Variants in STRA8 observed in about 807,000 individuals in gnomAD.
STRA8 encodes the protein stimulated by retinoic acid gene 8 protein homolog.
Under a neutral mutation model 37.1 loss-of-function variants are expected in STRA8, and 18 were observed. That is an observed-to-expected ratio of 0.48 (90% CI 0.34 to 0.72). The LOEUF (loss-of-function observed/expected upper bound fraction) is 0.72, where lower values mean the gene tolerates loss of function less well. Ranked by LOEUF, STRA8 falls within the 30% of genes least tolerant of loss-of-function variation. The pLI is 0.01. For missense variants in STRA8, 357 were observed against 410.4 expected, an observed-to-expected ratio of 0.87 and a Z score of 1.13; for synonymous variants, 168 against 162.9, an observed-to-expected ratio of 1.03 and a Z score of -0.24.
intron 8 of STRA8, among the ~76,000 whole-genome samples, chr7:135,258,201 G>A (rs1832728321): frequency 6.6e-6 from 1 of 152,024 alleles, no homozygotes; most frequent in African/African-American, 2.4e-5. Context: ...TGTCCTTTCT[G>A]GAGGTCATAG....
At chr7:135,244,367 T>C (rs1656948724) in intron 4 of STRA8, among the ~76,000 whole-genome samples, 1 of 152,178 alleles carries the variant, frequency 6.6e-6, no homozygotes, top group Admixed American at 6.5e-5. Flanking sequence ...TGAGCTTGCT[T>C]TTTTGACTCA....
chr7:135,247,377 C>T (rs1003965996), intron 6 of STRA8, among the ~76,000 whole-genome samples: 54 of 152,334 alleles, frequency 3.5e-4, no homozygotes, highest in African/African-American at 1.3e-3. Context: ...ATTCAGGCCT[C>T]TCTTGGCTCT....
intron 8 of STRA8, among the ~76,000 whole-genome samples, chr7:135,257,772 C>T (rs1027586500): frequency 1.3e-5 from 2 of 152,184 alleles, no homozygotes; most frequent in African/African-American, 4.8e-5. Flanking sequence ...ATAGGTAACC[C>T]ATATACATGG....
intron 1 of STRA8, among the ~76,000 whole-genome samples, chr7:135,237,729 T>G (rs1400874662): frequency 1.3e-5 from 2 of 152,092 alleles, no homozygotes; most frequent in East Asian, 3.9e-4. Context: ...CCGTCTCTAC[T>G]AAAAATACAA....
In STRA8 at chr7:135,250,561, A is replaced by G. The variant is rs530023177; in HGVS notation, c.880-1235A>G. ...GGAAGTCAATTGAAGGAAGACAGAA[A>G]GGGCAGACACCAATCCTCTTGGAAG... On this transcript the variant is annotated intron_variant, in intron 6 of 8. Transcript: ENST00000662584. Among the ~76,000 whole-genome samples, 3 of 152,296 alleles carry G rather than the reference A, an allele frequency of 2.0e-5. No individual in the cohort carries two copies. The East Asian group carries it at 5.8e-4, about 29-fold the overall frequency.
At chr7:135,248,382 C>A (rs983061260) in intron 6 of STRA8, among the ~76,000 whole-genome samples, 1 of 102,292 alleles carries the variant, frequency 9.8e-6, no homozygotes, top group South Asian at 4.1e-4. Context: ...TGCTTCTCAA[C>A]TGAATCACCT....
rs1363088441 is a variant in STRA8, at chr7:135,255,203, G to A, written c.1043G>A (p.Cys348Tyr). 1.9e-6 allele frequency: 3 copies of A among 1,613,668 alleles called. No individual in the cohort carries two copies. The highest frequency in any genetic ancestry group is 2.5e-6 in the Non-Finnish European group (3 of 1,179,738). The change falls in exon 8 of 9, where the codon TGT becomes TAT. Residue 348 changes from cysteine to tyrosine, a missense_variant. Transcript: ENST00000662584. ...ATCAACTTTTTTAAAGGCCTTAGCT[G>A]TGCAAACACTCAAGTAAAGCAGGTA... ...QIINFFKGLS[C>Y]ANTQVKQEAS...
At chr7:135,238,893 G>C (rs1478881718) in intron 1 of STRA8, among the ~76,000 whole-genome samples, 3 of 152,158 alleles carry the variant, frequency 2.0e-5, no homozygotes, top group Non-Finnish European at 4.4e-5. Flanking sequence ...GCAGATTGGT[G>C]CTGTTTTCCC....
In STRA8 at chr7:135,251,836, AC is replaced by A. The variant is rs918859085; in HGVS notation, c.921del (p.Asp307GlufsTer47). ...GCCTTTGATGTGGCAAGCTTCCTGG[AC>A]AAAAGTGAGGTTCCGAGTACATCTA... ...EDAFDVASFLDKSEVPSTSSS... is the reference protein window; with the variant it reads ...EDAFDVASFLXKSEVPSTSSS... On this transcript the variant is annotated frameshift_variant, in exon 7 of 9. Transcript: ENST00000662584. LOFTEE classifies it high-confidence loss of function. The A allele has an allele frequency of 4.3e-6, 7 of 1,614,018 alleles. No individual in the cohort carries two copies. In the African/African-American group the frequency reaches 9.3e-5, roughly 22 times the overall value.
At chr7:135,247,713 G>T (rs541307551) in intron 6 of STRA8, among the ~76,000 whole-genome samples, 3 of 152,340 alleles carry the variant, frequency 2.0e-5, no homozygotes, top group South Asian at 4.1e-4. Context: ...GTGAAGGGGA[G>T]GTTACCACAA....
At chr7:135,252,013 A>AGGGTGT in intron 7 of STRA8, 144 bp downstream of exon 7, 4 of 503,870 alleles carry the variant, frequency 7.9e-6, no homozygotes, top group Non-Finnish European at 3.6e-6. Flanking sequence ...AGAGAGAGAG[A>AGGGTGT]GTGTGTGTGT....
chr7:135,244,479 T>A (rs1832516034), intron 4 of STRA8, among the ~76,000 whole-genome samples: 1 of 152,258 alleles, frequency 6.6e-6, no homozygotes, highest in Non-Finnish European at 1.5e-5. Context: ...CTTCAAGGTG[T>A]CTTTTGAAGA....
intron 8 of STRA8, 113 bp downstream of exon 8, chr7:135,255,338 C>T: frequency 1.3e-6 from 1 of 743,516 alleles, no homozygotes; most frequent in Non-Finnish European, 2.3e-6. Flanking sequence ...TGAGGAGCCA[C>T]TGGGCAGGGA....
chr7:135,251,686 G>A, intron 6 of STRA8, 110 bp from the exon 7 acceptor site: 1 of 1,036,496 alleles, frequency 9.6e-7, no homozygotes, highest in Admixed American at 1.8e-5. Context: ...CATGCCCTCT[G>A]GGGTATGTGT....
In STRA8 at chr7:135,233,871, C is replaced by T. The variant is rs1211403604; in HGVS notation, c.-39C>T. On this transcript the variant is annotated 5_prime_UTR_variant, in exon 1 of 9. Coordinates refer to ENST00000662584, the MANE Select transcript of STRA8 (RefSeq NM_001394401.1). Reference sequence around the variant, plus strand: ...GCACGAAGCCGGGTGACTGCTGTCCCGGGAGTGGGGACGTCGCGTGCACCG... The same window carrying T: ...GCACGAAGCCGGGTGACTGCTGTCCTGGGAGTGGGGACGTCGCGTGCACCG... Among the ~76,000 whole-genome samples the T allele has an allele frequency of 2.0e-5, 3 of 152,286 alleles. No homozygotes were observed. Among genetic ancestry groups the T allele is most frequent in the Admixed American group, 1.3e-4 (2 of 15,302 alleles).
chr7:135,257,403 T>TC (rs1562975393), intron 8 of STRA8, among the ~76,000 whole-genome samples: 1 of 152,044 alleles, frequency 6.6e-6, no homozygotes. Context: ...GTTTACAGTG[T>TC]CCCTTTAGGG....
intron 5 of STRA8, among the ~76,000 whole-genome samples, chr7:135,245,816 G>T (rs1832543071): frequency 6.6e-6 from 1 of 152,152 alleles, no homozygotes; most frequent in South Asian, 2.1e-4. Flanking sequence ...GCCTTGTGGG[G>T]GGCACAGCTG....
intron 1 of STRA8, among the ~76,000 whole-genome samples, chr7:135,239,430 C>G (rs895950822): frequency 6.6e-6 from 1 of 152,216 alleles, no homozygotes; most frequent in Non-Finnish European, 1.5e-5. Context: ...CATGCATTGT[C>G]TCTGTATGGA....
intron 8 of STRA8, among the ~76,000 whole-genome samples, chr7:135,256,276 T>G (rs1832701673): frequency 6.6e-6 from 1 of 152,244 alleles, no homozygotes. Flanking sequence ...ATTTCCTTCT[T>G]CTGGGACCAC....
Sources: gnomAD v4.1 joint callset for allele counts (sites outside exome capture counted in the v4.1 genomes callset) on GRCh38, gnomAD v4.1.1 for gene constraint, MANE v1.5 for transcripts, NCBI Gene and HGNC (gene_info 2026-07-23, HGNC 2026-07-21) for gene names.